The following EEA1 variants were observed in gnomAD, a reference collection of about 807,000 sequenced individuals.
EEA1 encodes the protein early endosome antigen 1.
EEA1 carries 111 observed loss-of-function variants against 209.2 expected under a neutral mutation model. The observed-to-expected ratio is 0.53, with a 90% CI of 0.45 to 0.62. EEA1 has a LOEUF of 0.62. Ranked by LOEUF, EEA1 falls within the 20% of genes least tolerant of loss-of-function variation. The pLI, the probability that EEA1 is intolerant of heterozygous loss-of-function variation, is 0.00. For synonymous variants in EEA1, 536 were observed against 540.6 expected (o/e 0.99, Z 0.12); for missense variants, 1,343 against 1,530.8 (o/e 0.88, Z 2.05).
At chr12:92,823,365 G>T (rs1279442791) in intron 13 of EEA1, among the ~76,000 whole-genome samples, 1 of 152,136 alleles carries the variant, frequency 6.6e-6, no homozygotes, top group African/African-American at 2.4e-5. Flanking sequence ...TTAAGGTCCA[G>T]CAAAACCTAA....
chr12:92,852,276 C>T lies in EEA1; in HGVS notation c.541G>A (p.Glu181Lys), dbSNP rs1211444376. Residue 181 changes from glutamate (E) to lysine (K), a missense_variant, in exon 8 of 29, where the codon GAA becomes AAA. This residue lies in a region of EEA1 where 1,307 missense variants were observed against 1,465.5 expected (regional missense o/e 0.89). Coordinates refer to ENST00000322349, the MANE Select transcript of EEA1 (RefSeq NM_003566.4). ...GCAGCTTCTCGAAGACTCCTTTCTT[C>T]ATCATACTTTGACTTTATATCTAAT... ...EIADIKSKYD[E>K]ERSLREAAEQ... The T allele has an allele frequency of 1.9e-6, 3 of 1,591,704 alleles. No homozygotes were observed. In the Admixed American group the frequency reaches 5.3e-5, roughly 28 times the overall value.
chr12:92,781,683 T>C (rs1873908007), intron 23 of EEA1, among the ~76,000 whole-genome samples: 1 of 152,160 alleles, frequency 6.6e-6, no homozygotes, highest in Admixed American at 6.5e-5. Context: ...TTTTCTGCAA[T>C]AACCAAGGGT....
chr12:92,830,661 C>T (rs1272403592), intron 11 of EEA1, among the ~76,000 whole-genome samples: 9 of 152,108 alleles, frequency 5.9e-5, no homozygotes, highest in African/African-American at 2.2e-4. Context: ...ACTAAAGACA[C>T]TTCCATATTC....
chr12:92,929,253 G>C lies in EEA1; in HGVS notation c.-187C>G, dbSNP rs370825162. On this transcript the variant is annotated 5_prime_UTR_variant, in exon 1 of 29. Coordinates refer to ENST00000322349, the MANE Select transcript of EEA1 (RefSeq NM_003566.4). The stretch of plus-strand genomic sequence containing the variant: ...CCACAGGCGGCGAGAGGGAGCACGC[G>C]AGAGAGAGCGAGCGAACGACTAGGC... 2 of 444,302 alleles carry C rather than the reference G, an allele frequency of 4.5e-6. No homozygotes were observed. The highest frequency in any genetic ancestry group is 6.1e-5 in the South Asian group (2 of 33,056). 27.5% of individuals were successfully genotyped at this position (444,302 alleles called of 1,614,324 possible).
rs1478896744 is a variant in EEA1 at position 92,816,285 on chromosome 12, C to T, written c.1844G>A (p.Arg615His). Residue 615 changes from arginine to histidine, a missense_variant, in exon 15 of 29, where the codon CGT becomes CAT. Arg to His is a conservative substitution (Grantham distance 29). Transcript: ENST00000322349. ...QKAHLRAAQDRVLSLETSVNE... is the reference protein window; with the variant it reads ...QKAHLRAAQDHVLSLETSVNE... ...GACACTAGTTTCTAGGGAAAGGACA[C>T]GGTCTTGTGCAGCTCTAAGATGTGC... The T allele has an allele frequency of 5.0e-6, 8 of 1,613,784 alleles. No homozygotes were observed. Among genetic ancestry groups the T allele is most frequent in the South Asian group, 2.2e-5 (2 of 91,072 alleles).
chr12:92,876,936 G>A (rs111254642), intron 2 of EEA1, among the ~76,000 whole-genome samples: 29 of 144,816 alleles, frequency 2.0e-4, no homozygotes, highest in Non-Finnish European at 3.8e-4. Flanking sequence ...CCATTAACCT[G>A]GGTGTTGTTT....
chr12:92,865,389 AAAG>A (rs1276966058), intron 2 of EEA1, among the ~76,000 whole-genome samples: 5 of 152,034 alleles, frequency 3.3e-5, no homozygotes, highest in Non-Finnish European at 7.4e-5. Flanking sequence ...AAAAAAAAAA[AAAG>A]AAGATGAACC....
intron 13 of EEA1, among the ~76,000 whole-genome samples, chr12:92,824,175 C>A (rs569449433): frequency 6.6e-6 from 1 of 152,264 alleles, no homozygotes; most frequent in South Asian, 2.1e-4. Flanking sequence ...CTTGGAGTCA[C>A]CCTTGAGTTC....
chr12:92,881,644 A>T (rs977335194), intron 2 of EEA1, among the ~76,000 whole-genome samples: 1 of 152,162 alleles, frequency 6.6e-6, no homozygotes, highest in Non-Finnish European at 1.5e-5. Context: ...TACAGATGAG[A>T]ATTAGTAAAA....
chr12:92,921,759 GAAA>G (rs751838383), intron 1 of EEA1, among the ~76,000 whole-genome samples: 1 of 76,716 alleles, frequency 1.3e-5, no homozygotes, highest in African/African-American at 5.2e-5. Context: ...TAAAAAAAAA[GAAA>G]AAAAAAAAAA....
intron 17 of EEA1, among the ~76,000 whole-genome samples, chr12:92,810,451 T>C (rs1303561260): frequency 6.6e-6 from 1 of 152,180 alleles, no homozygotes; most frequent in East Asian, 1.9e-4. Flanking sequence ...TTTGCTATTA[T>C]CGTTTGTCAT....
rs1480030348 is a variant in EEA1, at chr12:92,811,379, T to C, written c.2099A>G (p.Lys700Arg). The C allele has an allele frequency of 6.2e-7, 1 of 1,605,642 alleles. No individual in the cohort carries two copies. The highest frequency in any genetic ancestry group is 1.3e-5 in the African/African-American group (1 of 74,444). ...TTCCAGCTGACTGCAATGTTCTTGC[T>C]TGTCTTGTAACTTTGCAGTGACCTG... is the stretch of plus-strand genomic sequence containing the variant. ...LDQVTAKLQD[K>R]QEHCSQLESH... Residue 700 changes from lysine (K) to arginine (R), a missense_variant, in exon 17 of 29, where the codon AAG (lysine) becomes AGG (arginine). By Grantham distance (26) the Lys-to-Arg change is conservative (BLOSUM62 2). Transcript: ENST00000322349.
chr12:92,787,159 C>T (rs1012000390), intron 22 of EEA1, among the ~76,000 whole-genome samples: 3 of 152,006 alleles, frequency 2.0e-5, no homozygotes, highest in African/African-American at 7.2e-5. Flanking sequence ...TTTAAATAAA[C>T]AAAATCCCAA....
At position 92,916,297 on chromosome 12, in the gene EEA1, G is replaced by A. The variant is rs573124446; in HGVS notation, c.24+12746C>T. On this transcript the variant is annotated intron_variant, in intron 1 of 28. Coordinates refer to ENST00000322349, the MANE Select transcript of EEA1 (RefSeq NM_003566.4). ...ACTTAAGGGAACAGGGAAAGGTACT[G>A]ACAATAAAATTTCTTGAACAGAGAT... 3.3e-5 allele frequency among the ~76,000 whole-genome samples: 5 copies of A among 152,190 alleles called. No homozygotes were observed. In the East Asian group the frequency reaches 7.7e-4, roughly 24 times the overall value.
rs1476416740 is a variant in EEA1, at chr12:92,869,550, C to A, written c.118-4563G>T. ...CTTGAGGCCAGGAGTTCTAGACTAC[C>A]CTAGCCAACATGGTGAAACCCCATC... On this transcript the variant is annotated intron_variant, in intron 2 of 28. Coordinates refer to ENST00000322349, the MANE Select transcript of EEA1 (RefSeq NM_003566.4). 2.0e-5 allele frequency among the ~76,000 whole-genome samples: 3 copies of A among 150,910 alleles called. No homozygotes were observed. The East Asian group carries it at 5.8e-4, about 29-fold the overall frequency.
chr12:92,894,177 A>G (rs1879772447), intron 1 of EEA1, among the ~76,000 whole-genome samples: 1 of 152,168 alleles, frequency 6.6e-6, no homozygotes, highest in East Asian at 1.9e-4. Flanking sequence ...CCCATATAAG[A>G]TGGCCAACTT....
chr12:92,808,945 A>G, intron 18 of EEA1, 72 bp downstream of exon 18: 1 of 1,373,804 alleles, frequency 7.3e-7, no homozygotes, highest in East Asian at 2.5e-5. Context: ...GCAAAATTTA[A>G]ATCTGAAGGA....
At chr12:92,842,603 A>AAACAG in intron 9 of EEA1, 22 bp from the exon 10 acceptor site, 3 of 1,339,940 alleles carry the variant, frequency 2.2e-6, no homozygotes, top group Non-Finnish European at 3.1e-6. Context: ...AAACAAAACA[A>AAACAG]AAATTAAAGC....
intron 14 of EEA1, among the ~76,000 whole-genome samples, chr12:92,818,088 A>T (rs968394476): frequency 6.6e-6 from 1 of 152,218 alleles, no homozygotes; most frequent in African/African-American, 2.4e-5. Context: ...CAAAGCCTCA[A>T]GTGAATTCCT....
Sources: allele counts gnomAD v4.1 joint callset (sites outside exome capture counted in the v4.1 genomes callset), GRCh38; gene constraint gnomAD v4.1.1; regional missense constraint gnomAD v4.1.1; transcripts MANE v1.5; gene names NCBI Gene and HGNC (gene_info 2026-07-23, HGNC 2026-07-21).